ARB2A: variants seen among roughly 807,000 people sequenced by gnomAD.
The protein encoded by ARB2A is cotranscriptional regulator ARB2A.
chr5:94,009,789 C>T, the ARB2A span, among the ~76,000 whole-genome samples: 1 of 151,790 alleles, frequency 6.6e-6, no homozygotes, highest in Non-Finnish European at 1.5e-5. Context: ...GTTGTTTGTC[C>T]ATTATATCCA....
chr5:93,727,746 A>AAT, the ARB2A span, among the ~76,000 whole-genome samples: 1 of 152,168 alleles, frequency 6.6e-6, no homozygotes, highest in Non-Finnish European at 1.5e-5. Flanking sequence ...ATTCTTAAGA[A>AAT]ATAGATCTAT....
the ARB2A span, among the ~76,000 whole-genome samples, chr5:93,901,129 C>T: frequency 6.6e-6 from 1 of 152,156 alleles, no homozygotes; most frequent in African/African-American, 2.4e-5. Flanking sequence ...TAACTGCTAG[C>T]CAACCTTTTA....
chr5:93,840,476 T>G, the ARB2A span, among the ~76,000 whole-genome samples: 1 of 152,172 alleles, frequency 6.6e-6, no homozygotes, highest in African/African-American at 2.4e-5. Context: ...CTTTCCCAAC[T>G]TGTTAAGTGG....
At chr5:93,912,157 T>C in the ARB2A span, among the ~76,000 whole-genome samples, 1 of 151,758 alleles carries the variant, frequency 6.6e-6, no homozygotes, top group African/African-American at 2.4e-5. Context: ...ATTTTTCATT[T>C]GATGAGTCAG....
At chr5:93,814,663 T>C in the ARB2A span, among the ~76,000 whole-genome samples, 1 of 152,210 alleles carries the variant, frequency 6.6e-6, no homozygotes, top group African/African-American at 2.4e-5. Context: ...TAAAAATGTT[T>C]CCTATTTAGA....
the ARB2A span, among the ~76,000 whole-genome samples, chr5:93,749,092 T>G: frequency 1.3e-5 from 2 of 152,158 alleles, no homozygotes; most frequent in African/African-American, 4.8e-5. Context: ...CTCTGGGATA[T>G]CTTCATCTTT....
chr5:93,799,510 A>G, the ARB2A span, among the ~76,000 whole-genome samples: 1 of 152,094 alleles, frequency 6.6e-6, no homozygotes, highest in African/African-American at 2.4e-5. Flanking sequence ...TGTGATGTTC[A>G]TGTTATTCTT....
the ARB2A span, among the ~76,000 whole-genome samples, chr5:93,876,347 T>C: frequency 7.2e-5 from 11 of 152,176 alleles, no homozygotes; most frequent in African/African-American, 2.7e-4. Context: ...CAGGCAAGTC[T>C]GACATGATGT....
At chr5:93,814,577 T>C in the ARB2A span, among the ~76,000 whole-genome samples, 1 of 152,244 alleles carries the variant, frequency 6.6e-6, no homozygotes, top group African/African-American at 2.4e-5. Context: ...TGGATCTTTA[T>C]ACTGTGGACC....
At chr5:93,714,837 A>C in the ARB2A span, among the ~76,000 whole-genome samples, 1 of 152,192 alleles carries the variant, frequency 6.6e-6, no homozygotes. Context: ...TCTAGTCTTG[A>C]TAAGTACATT....
At chr5:93,968,618 G>C in the ARB2A span, among the ~76,000 whole-genome samples, 1 of 152,086 alleles carries the variant, frequency 6.6e-6, no homozygotes, top group South Asian at 2.1e-4. Flanking sequence ...ATACAAGGAG[G>C]AGAAGAGAGA....
the ARB2A span, among the ~76,000 whole-genome samples, chr5:93,869,778 C>T: frequency 6.6e-6 from 1 of 152,152 alleles, no homozygotes; most frequent in Non-Finnish European, 1.5e-5. Context: ...GTAATTCTCC[C>T]CACCTTTGAG....
chr5:93,957,647 A>C, the ARB2A span, among the ~76,000 whole-genome samples: 11 of 152,030 alleles, frequency 7.2e-5, no homozygotes, highest in African/African-American at 2.4e-4. Flanking sequence ...GGAAAAAAAA[A>C]CATATAGTTA....
At chr5:93,979,449 A>ATTATT in the ARB2A span, among the ~76,000 whole-genome samples, 1 of 152,134 alleles carries the variant, frequency 6.6e-6, no homozygotes, top group Non-Finnish European at 1.5e-5. Context: ...AATATTACAG[A>ATTATT]TTATTTTTTA....
At chr5:93,851,107 G>C in the ARB2A span, among the ~76,000 whole-genome samples, 1 of 152,022 alleles carries the variant, frequency 6.6e-6, no homozygotes, top group African/African-American at 2.4e-5. Flanking sequence ...TTATATTTCA[G>C]GGACTGTTAT....
At chr5:94,012,387 G>T in the ARB2A span, among the ~76,000 whole-genome samples, 4 of 152,234 alleles carry the variant, frequency 2.6e-5, no homozygotes, top group African/African-American at 7.2e-5. Flanking sequence ...GGAGGACAGA[G>T]CGAGACTCCA....
At chr5:93,821,104 G>A in the ARB2A span, among the ~76,000 whole-genome samples, 10 of 152,018 alleles carry the variant, frequency 6.6e-5, no homozygotes, top group East Asian at 1.9e-4. Context: ...CTCACTTTTC[G>A]AAAACAACAA....
At chr5:93,904,396 C>T in the ARB2A span, among the ~76,000 whole-genome samples, 2 of 151,874 alleles carry the variant, frequency 1.3e-5, no homozygotes, top group South Asian at 2.1e-4. Flanking sequence ...CTCTTTATTA[C>T]GGAATATTTC....
At chr5:93,784,448 T>C in the ARB2A span, 1 of 1,613,456 alleles carries the variant, frequency 6.2e-7, no homozygotes, top group Non-Finnish European at 8.5e-7. Flanking sequence ...ACAGAGTCTG[T>C]CAATGCCACA....
Sources: gnomAD v4.1 joint callset for allele counts (sites outside exome capture counted in the v4.1 genomes callset) on GRCh38, gnomAD v4.1.1 for gene constraint, MANE v1.5 for transcripts, NCBI Gene and HGNC (gene_info 2026-07-23, HGNC 2026-07-21) for gene names.